The following NEK10 variants were observed in gnomAD, a reference collection of about 807,000 sequenced individuals.
NEK10 encodes serine/threonine-protein kinase Nek10.
Under a neutral mutation model 159.8 loss-of-function variants are expected in NEK10, and 122 were observed. The ratio of observed to expected loss-of-function variants is 0.76; its 90% CI spans 0.66 to 0.89. NEK10 has a LOEUF of 0.89. Ranked by LOEUF, NEK10 falls within the 40% of genes least tolerant of loss-of-function variation. The probability of loss-of-function intolerance (pLI) is 0.00; values close to 1 mark genes in which losing one functional copy is unlikely to be tolerated. For missense variants in NEK10, 1,342 were observed against 1,323.1 expected (o/e 1.01, Z -0.22); for synonymous variants, 466 against 457.1 (o/e 1.02, Z -0.25).
chr3:27,284,532 C>T (rs745332209), intron 22 of NEK10, 70 bp downstream of exon 22: 7 of 877,834 alleles, frequency 8.0e-6, no homozygotes, highest in Non-Finnish European at 9.5e-6. Flanking sequence ...AAAAGTTCTA[C>T]TGGACACTAC....
rs781286885 is a variant in NEK10 at position 27,174,450 on chromosome 3, T to C, written c.2765A>G (p.Glu922Gly). 6.2e-7 allele frequency: 1 copy of C among 1,610,630 alleles called. No individual in the cohort carries two copies. Among genetic ancestry groups the C allele is most frequent in the Non-Finnish European group, 8.5e-7 (1 of 1,179,510 alleles). Residue 922 changes from glutamate to glycine, a missense_variant, in exon 28 of 36, where the codon GAA becomes GGA. Transcript: ENST00000691995. ...AACAGAAAGCTTACTGAATGTAGAT[T>C]CTTTCAGAGGGCTTGAACTGGAGCT... Reference protein sequence around the residue: ...SSSSSSSPLKESTFNILKRSF... With the variant: ...SSSSSSSPLKGSTFNILKRSF...
At chr3:27,173,583 A>G (rs760125559) in intron 28 of NEK10, among the ~76,000 whole-genome samples, 176 of 152,338 alleles carry the variant, frequency 1.2e-3, no homozygotes, top group Non-Finnish European at 1.9e-3. Context: ...TTTGGAAAGG[A>G]CAAAGAATGT....
intron 1 of NEK10, among the ~76,000 whole-genome samples, chr3:27,358,067 T>G (rs2048439040): frequency 1.3e-5 from 2 of 152,330 alleles, no homozygotes; most frequent in Middle Eastern, 3.4e-3. Context: ...GGCCAAAAAC[T>G]TTGGCTTTTT....
At chr3:27,260,332 T>C (rs2040290347) in intron 22 of NEK10, among the ~76,000 whole-genome samples, 1 of 152,190 alleles carries the variant, frequency 6.6e-6, no homozygotes, top group African/African-American at 2.4e-5. Flanking sequence ...TTTTTGCCCA[T>C]TCAGTATGAT....
Position 27,153,632 on chromosome 3 carries a change from T to C in NEK10, c.2869+9069A>G, listed in dbSNP as rs147601162. ...CTCTTAGACCACAGTGGACTAAAAGTGGAAATCAACTGCAAAAGGAACCTT... is the reference window on the plus strand; with the variant it reads ...CTCTTAGACCACAGTGGACTAAAAGCGGAAATCAACTGCAAAAGGAACCTT... On this transcript the variant is annotated intron_variant, in intron 30 of 35. Coordinates refer to ENST00000691995, the MANE Select transcript of NEK10 (RefSeq NM_001394966.1). Among the ~76,000 whole-genome samples, 819 of 152,202 alleles carry C rather than the reference T, an allele frequency of 5.4e-3. 8 individuals carry two copies. Among genetic ancestry groups the C allele is most frequent in the African/African-American group, 0.019 (802 of 41,524 alleles).
chr3:27,138,384 A>C (rs1335279840), intron 31 of NEK10, among the ~76,000 whole-genome samples: 1 of 152,122 alleles, frequency 6.6e-6, no homozygotes, highest in African/African-American at 2.4e-5. Context: ...CCAGTATAGC[A>C]CCTTACTAAT....
intron 13 of NEK10, among the ~76,000 whole-genome samples, chr3:27,299,832 C>A (rs757826196): frequency 1.3e-5 from 2 of 152,156 alleles, no homozygotes; most frequent in Non-Finnish European, 2.9e-5. Context: ...TGTAGCCCCC[C>A]TTTGTTTTGG....
chr3:27,318,738 G>A (rs1410651251), intron 6 of NEK10, among the ~76,000 whole-genome samples: 1 of 152,116 alleles, frequency 6.6e-6, no homozygotes. Context: ...CTGTACACGG[G>A]CCCACACTTT....
At chr3:27,218,875 A>G (rs1951818328) in intron 23 of NEK10, among the ~76,000 whole-genome samples, 1 of 152,322 alleles carries the variant, frequency 6.6e-6, no homozygotes. Context: ...CATCTGCACA[A>G]TTCTCAGGTA....
rs530750190 is a variant in NEK10 at position 27,110,725 on chromosome 3, T to TA, written c.*546dup. The stretch of plus-strand genomic sequence containing the variant: ...GTTAAGCGAGAACCAACCCATCCAT[T>TA]AAAAAAAAAAAAATTTAATCACGTA... On this transcript the variant is annotated 3_prime_UTR_variant, in exon 36 of 36. Coordinates refer to ENST00000691995, the MANE Select transcript of NEK10 (RefSeq NM_001394966.1). 843 of 144,986 alleles carry TA rather than the reference T, an allele frequency of 5.8e-3. 7 individuals carry two copies. Among genetic ancestry groups the TA allele is most frequent in the African/African-American group, 0.017 (681 of 39,632 alleles). 9.0% of individuals were successfully genotyped at this position (144,986 alleles called of 1,614,324 possible).
At chr3:27,281,524 G>C (rs901706481) in intron 22 of NEK10, among the ~76,000 whole-genome samples, 1 of 151,646 alleles carries the variant, frequency 6.6e-6, no homozygotes, top group African/African-American at 2.4e-5. Flanking sequence ...TTTAAAACTT[G>C]AGAGAATAAG....
chr3:27,305,406 C>G (rs867768678), intron 11 of NEK10, among the ~76,000 whole-genome samples: 3 of 152,176 alleles, frequency 2.0e-5, no homozygotes, highest in Non-Finnish European at 2.9e-5. Context: ...TGCCTGTAAT[C>G]CCAGCCACTT....
chr3:27,234,665 T>C (rs1953704858), intron 23 of NEK10, among the ~76,000 whole-genome samples: 1 of 152,154 alleles, frequency 6.6e-6, no homozygotes, highest in Admixed American at 6.6e-5. Flanking sequence ...GAAGAATCAA[T>C]ACTGTGAAAA....
At chr3:27,210,315 C>T (rs539928407) in intron 23 of NEK10, among the ~76,000 whole-genome samples, 23 of 152,240 alleles carry the variant, frequency 1.5e-4, no homozygotes, top group African/African-American at 4.8e-4. Context: ...AGGGTGCTCA[C>T]TTGGATCTCC....
In NEK10 at chr3:27,106,699, C is replaced by T. The variant is rs935012518; in HGVS notation, c.*4573G>A. Among the ~76,000 whole-genome samples, 3 of 152,184 alleles carry T rather than the reference C, an allele frequency of 2.0e-5. No individual in the cohort carries two copies. The highest frequency in any genetic ancestry group is 6.5e-5 in the Admixed American group (1 of 15,274). On this transcript the variant is annotated 3_prime_UTR_variant, in exon 36 of 36. Transcript: ENST00000691995. Reference sequence around the variant, plus strand: ...TATTTCTGGCACAAACTTCTCTCTGCATGTTTTATGGGACCAGTTTTTCAC... The same window carrying T: ...TATTTCTGGCACAAACTTCTCTCTGTATGTTTTATGGGACCAGTTTTTCAC...
intron 31 of NEK10, among the ~76,000 whole-genome samples, chr3:27,139,739 C>T (rs1575469239): frequency 6.6e-6 from 1 of 152,174 alleles, no homozygotes; most frequent in Non-Finnish European, 1.5e-5. Flanking sequence ...GCCAGAGCTT[C>T]TCTGGCATGT....
chr3:27,345,470 T>C (rs765003213), intron 4 of NEK10, among the ~76,000 whole-genome samples: 5 of 152,212 alleles, frequency 3.3e-5, no homozygotes, highest in Non-Finnish European at 7.3e-5. Flanking sequence ...ATGATCCTTC[T>C]AGAATATTCA....
chr3:27,353,294 T>C (rs1468353331), intron 1 of NEK10, among the ~76,000 whole-genome samples: 2 of 152,184 alleles, frequency 1.3e-5, no homozygotes, highest in Non-Finnish European at 2.9e-5. Flanking sequence ...TTAAGTGTGT[T>C]CTATGGGTTT....
intron 5 of NEK10, among the ~76,000 whole-genome samples, chr3:27,325,217 C>T (rs1309983206): frequency 1.3e-5 from 2 of 152,320 alleles, no homozygotes; most frequent in East Asian, 3.9e-4. Flanking sequence ...CATAGTGGTG[C>T]TTGGTGCACA....
Sources: gnomAD v4.1 joint callset for allele counts (sites outside exome capture counted in the v4.1 genomes callset) on GRCh38, gnomAD v4.1.1 for gene constraint, MANE v1.5 for transcripts, NCBI Gene and HGNC (gene_info 2026-07-23, HGNC 2026-07-21) for gene names.